The following TRAF3IP2 variants were observed in gnomAD, a reference collection of about 807,000 sequenced individuals.
TRAF3IP2 encodes the protein E3 ubiquitin ligase TRAF3IP2.
A neutral mutation model predicts 57.9 loss-of-function variants in TRAF3IP2; 35 were observed. The ratio of observed to expected loss-of-function variants is 0.60; its 90% CI spans 0.46 to 0.80. The LOEUF is 0.80. Among genes scored for constraint, TRAF3IP2 ranks in the 30% least tolerant of loss-of-function variants. The probability of loss-of-function intolerance (pLI) is 0.00; values close to 1 mark genes in which losing one functional copy is unlikely to be tolerated. For missense variants in TRAF3IP2, 556 were observed against 706.4 expected (o/e 0.79, Z 2.41); for synonymous variants, 251 against 268.9 (o/e 0.93, Z 0.65).
intron 5 of TRAF3IP2, among the ~76,000 whole-genome samples, chr6:111,567,988 G>A (rs371177817): frequency 1.8e-4 from 27 of 152,090 alleles, no homozygotes; most frequent in Admixed American, 1.0e-3. Context: ...TGAGGGACAC[G>A]GTATACCACT....
intron 4 of TRAF3IP2, 72 bp downstream of exon 4, chr6:111,575,571 G>C (rs1795953804): frequency 1.3e-6 from 2 of 1,499,570 alleles, no homozygotes; most frequent in Non-Finnish European, 1.8e-6. Context: ...CTGGGCAACA[G>C]AGCGAGACTC....
Position 111,591,859 on chromosome 6 carries a change from T to C in TRAF3IP2, c.228A>G (p.Val76=). The C allele has an allele frequency of 6.2e-7, 1 of 1,614,220 alleles. No individual in the cohort carries two copies. Among genetic ancestry groups the C allele is most frequent in the African/African-American group, 1.3e-5 (1 of 75,058 alleles). The change falls in exon 2 of 9, where the codon GTA becomes GTG. Residue 76 remains valine (V), a synonymous_variant. Transcript: ENST00000368761. The surrounding 1 kb of genome is among the most constrained non-coding windows in gnomAD (Gnocchi z 4.9). ...TGCGCAGGCAGGTGACCTGCCGGGA[T>C]ACAGGCCGCTGGTGATTTGCAAGTT... ...TLKLANHQRP[V]SRQVTCLRTQ...
chr6:111,602,772 A>G (rs1206375481), intron 1 of TRAF3IP2, among the ~76,000 whole-genome samples: 1 of 152,020 alleles, frequency 6.6e-6, no homozygotes, highest in Non-Finnish European at 1.5e-5. Flanking sequence ...AAAGGGAAAA[A>G]ACACTGGCAT....
chr6:111,582,099 A>G (rs957008948), intron 2 of TRAF3IP2, among the ~76,000 whole-genome samples: 1 of 152,274 alleles, frequency 6.6e-6, no homozygotes, highest in Non-Finnish European at 1.5e-5. Context: ...AATAATGTGC[A>G]CGTTCACTAG....
intron 2 of TRAF3IP2, among the ~76,000 whole-genome samples, chr6:111,587,784 C>A (rs565825682): frequency 1.3e-5 from 2 of 152,302 alleles, no homozygotes; most frequent in African/African-American, 4.8e-5. Context: ...GTATTCAGTG[C>A]AACATGGGCC....
intron 1 of TRAF3IP2, chr6:111,594,479 G>GA (rs747843384): frequency 9.3e-4 from 407 of 439,768 alleles, no homozygotes; most frequent in Middle Eastern, 2.1e-3. Context: ...TCTACCTAAA[G>GA]AAAAAAAAAG....
intron 2 of TRAF3IP2, among the ~76,000 whole-genome samples, chr6:111,588,061 G>C (rs1446284668): frequency 6.6e-6 from 1 of 152,146 alleles, no homozygotes. Context: ...AAGAGTGATT[G>C]GGAATATTCA....
rs1562424689 is a variant in TRAF3IP2, at chr6:111,575,674, A to G, written c.1170T>C (p.Thr390=). 1.9e-6 allele frequency: 3 copies of G among 1,612,488 alleles called. No homozygotes were observed. Among genetic ancestry groups the G allele is most frequent in the Non-Finnish European group, 2.5e-6 (3 of 1,179,688 alleles). Residue 390 remains threonine, a synonymous_variant, in exon 4 of 9, where the codon ACT becomes ACC. Transcript: ENST00000368761. ...CTTCTGGCAAATTGCTTGTTTTTAGAGTTCCTCTGGCTGGAGGGTTGCTAG... is the reference window on the plus strand; with the variant it reads ...CTTCTGGCAAATTGCTTGTTTTTAGGGTTCCTCTGGCTGGAGGGTTGCTAG... ...RPPSNPPARG[T]LKTSNLPEEL...
rs1796528208 is a variant in TRAF3IP2, at chr6:111,591,782, A to C, written c.305T>G (p.Leu102Arg). ...GCACCCAGAAGGGAAAGCTTTGCCC[A>C]GGCCTGGGTGTCTCCTGCAGAAACT... ...EDSFCRRHPG[L>R]GKAFPSGCSA... is the part of the protein sequence containing the mutation. Residue 102 changes from leucine (L) to arginine (R), a missense_variant, in exon 2 of 9, where the codon CTG (leucine) becomes CGG (arginine). By Grantham distance (102) the Leu-to-Arg change is moderately radical (BLOSUM62 -2). Coordinates refer to ENST00000368761, the MANE Select transcript of TRAF3IP2 (RefSeq NM_147686.4). The surrounding 1 kb of genome is among the most constrained non-coding windows in gnomAD (Gnocchi z 4.9). 6.2e-7 allele frequency: 1 copy of C among 1,614,126 alleles called. No homozygotes were observed. Among genetic ancestry groups the C allele is most frequent in the Non-Finnish European group, 8.5e-7 (1 of 1,180,046 alleles).
chr6:111,563,014 C>T lies in TRAF3IP2; in HGVS notation c.1502G>A (p.Gly501Glu). 1.2e-6 allele frequency: 2 copies of T among 1,613,190 alleles called. No homozygotes were observed. Among genetic ancestry groups the T allele is most frequent in the Non-Finnish European group, 1.7e-6 (2 of 1,179,782 alleles). ...AGGGATGAATCTGAAATTCATGCTT[C>T]CTTGTTTTATGAACTCAATCTGCAT... The part of the protein sequence containing the change: ...RMMQIEFIKQ[G>E]SMNFRFIPVL... The change falls in exon 8 of 9, where the codon GGA (glycine) becomes GAA (glutamate). Residue 501 changes from glycine to glutamate, a missense_variant. Around this residue, in one of 2 missense-constraint regions of TRAF3IP2, gnomAD observed 128 missense variants for 207.7 expected, o/e 0.62. Coordinates refer to ENST00000368761, the MANE Select transcript of TRAF3IP2 (RefSeq NM_147686.4).
Position 111,559,555 on chromosome 6 carries a change from T to G in TRAF3IP2, c.1552-4A>C. On this transcript the variant is annotated splice_region_variant and splice_polypyrimidine_tract_variant and intron_variant, in intron 8 of 8. Coordinates refer to ENST00000368761, the MANE Select transcript of TRAF3IP2 (RefSeq NM_147686.4). ...GAAGCCAGGTGGGCACATGCTCCTA[T>G]GGGAGGCAGAATGACAGGAGCAAAG... The G allele has an allele frequency of 6.2e-7, 1 of 1,613,794 alleles. No individual in the cohort carries two copies. The highest frequency in any genetic ancestry group is 8.5e-7 in the Non-Finnish European group (1 of 1,179,920).
chr6:111,575,384 C>T lies in TRAF3IP2; in HGVS notation c.1201+259G>A, dbSNP rs1047245538. On this transcript the variant is annotated intron_variant, in intron 4 of 8. Transcript: ENST00000368761. ...CAGGTGGATCACGAGGTGAAGAGAT[C>T]GAGACCATCCTGGCCAACATGGGGA... 4.6e-5 allele frequency among the ~76,000 whole-genome samples: 7 copies of T among 151,640 alleles called. No homozygotes were observed. The East Asian group carries it at 1.2e-3, about 25-fold the overall frequency.
In TRAF3IP2 at chr6:111,561,566, G is replaced by A. The variant is rs77594967; in HGVS notation, c.1551+1399C>T. Reference sequence around the variant, plus strand: ...AGCAGACGGAACAGAAAAGGCAAAGGCACAGAGACAAAAGAACACAGCATG... The same window carrying A: ...AGCAGACGGAACAGAAAAGGCAAAGACACAGAGACAAAAGAACACAGCATG... On this transcript the variant is annotated intron_variant, in intron 8 of 8. Transcript: ENST00000368761. 4.3e-4 allele frequency among the ~76,000 whole-genome samples: 66 copies of A among 152,184 alleles called. 5 individuals carry two copies. The East Asian group carries it at 0.013, about 29-fold the overall frequency.
At chr6:111,561,827 T>C (rs1795455812) in intron 8 of TRAF3IP2, among the ~76,000 whole-genome samples, 1 of 152,128 alleles carries the variant, frequency 6.6e-6, no homozygotes. Flanking sequence ...GAGGAGAGGA[T>C]GGCTAGCACA....
intron 1 of TRAF3IP2, chr6:111,594,357 A>C: frequency 3.6e-6 from 1 of 280,378 alleles, no homozygotes; most frequent in South Asian, 3.1e-5. Context: ...CAGGAGGACT[A>C]ATTCCTGTCC....
At chr6:111,587,693 A>G (rs1394376219) in intron 2 of TRAF3IP2, among the ~76,000 whole-genome samples, 1 of 152,186 alleles carries the variant, frequency 6.6e-6, no homozygotes, top group Admixed American at 6.5e-5. Context: ...ATAAACCTAT[A>G]TAGTTTTTAA....
intron 2 of TRAF3IP2, among the ~76,000 whole-genome samples, chr6:111,588,768 CTATT>C (rs1046902919): frequency 2.0e-5 from 3 of 152,212 alleles, no homozygotes; most frequent in African/African-American, 7.2e-5. Flanking sequence ...AAACTGGAAA[CTATT>C]TTAAATGTCC....
chr6:111,567,054 G>C (rs1795667267), intron 6 of TRAF3IP2: 1 of 387,858 alleles, frequency 2.6e-6, no homozygotes, highest in African/African-American at 2.2e-5. Flanking sequence ...CAACACCCCA[G>C]CCTGCTGAGA....
chr6:111,579,316 CAAAAAAAAA>C (rs529040872), intron 3 of TRAF3IP2, among the ~76,000 whole-genome samples: 2 of 69,834 alleles, frequency 2.9e-5, no homozygotes, highest in African/African-American at 1.3e-4. Context: ...GGCTCCATCT[CAAAAAAAAA>C]AAAAAAAAAA....
Sources: gnomAD v4.1 joint callset for allele counts (sites outside exome capture counted in the v4.1 genomes callset) on GRCh38, gnomAD v4.1.1 for gene constraint, gnomAD v4.1.1 regional missense constraint, Gnocchi (gnomAD v3.1) non-coding constraint, MANE v1.5 for transcripts, NCBI Gene and HGNC (gene_info 2026-07-23, HGNC 2026-07-21) for gene names.